Variants in ZAN observed in about 807,000 individuals in gnomAD.
ZAN encodes the protein zonadhesin (gene/pseudogene).
Under a neutral mutation model 286.2 loss-of-function variants are expected in ZAN, and 260 were observed. The observed-to-expected ratio is 0.91, with a 90% CI of 0.82 to 1.01. The LOEUF is 1.01. Among genes scored for constraint, ZAN ranks in the 50% least tolerant of loss-of-function variants. The pLI is 0.00. For missense variants in ZAN, 3,410 were observed against 3,639.2 expected (o/e 0.94, Z 1.62); for synonymous variants, 1,368 against 1,417.5 (o/e 0.97, Z 0.79).
rs369039530 is a variant in ZAN, at chr7:100,748,114, G to A, written c.1024-23G>A. The A allele has an allele frequency of 1.9e-4, 308 of 1,609,226 alleles. 1 individual carries two copies. Among genetic ancestry groups the A allele is most frequent in the Non-Finnish European group, 3.7e-5 (44 of 1,176,004 alleles). On this transcript the variant is annotated intron_variant, in intron 9 of 47. Coordinates refer to ENST00000613979, the MANE Select transcript of ZAN (RefSeq NM_003386.3). ...GGGTGTGGGCTGTGTGCTCACTCCT[G>A]CTCCATCTCCCTTTCTCTCCAGTTT...
In ZAN at chr7:100,751,916, A is replaced by G. The variant is rs2115820486; in HGVS notation, c.1811A>G (p.Lys604Arg). ...PTEKPTISTE[K>R]PTIPSEKPNM... Reference sequence around the variant, plus strand: ...GAAAAACCCACCATCTCCACAGAAAAACCCACCATTCCTTCAGAAAAACCC... The same window carrying G: ...GAAAAACCCACCATCTCCACAGAAAGACCCACCATTCCTTCAGAAAAACCC... Residue 604 changes from lysine to arginine, a missense_variant, in exon 14 of 48, where the codon AAA becomes AGA. Physicochemically the swap from Lys to Arg is conservative, Grantham distance 26 (BLOSUM62 2). Around this residue, in one of 7 missense-constraint regions of ZAN, gnomAD observed 872 missense variants for 938.9 expected, o/e 0.93. Coordinates refer to ENST00000613979, the MANE Select transcript of ZAN (RefSeq NM_003386.3). 1.9e-6 allele frequency: 3 copies of G among 1,613,268 alleles called. 1 individual carries two copies. The East Asian group carries it at 6.7e-5, about 36-fold the overall frequency.
chr7:100,739,003 C>A (rs1328447664), intron 7 of ZAN, among the ~76,000 whole-genome samples: 3 of 69,664 alleles, frequency 4.3e-5, no homozygotes, highest in Non-Finnish European at 1.0e-4. Context: ...TTCTCCTTCT[C>A]CTTCTTCTTT....
chr7:100,778,424 C>G (rs1385489929), intron 34 of ZAN, among the ~76,000 whole-genome samples: 3 of 140,470 alleles, frequency 2.1e-5, no homozygotes, highest in Non-Finnish European at 4.6e-5. Flanking sequence ...GGCAACATAG[C>G]AAGACCTCAT....
chr7:100,752,951 C>T lies in ZAN; in HGVS notation c.2846C>T (p.Thr949Ile). The change falls in exon 14 of 48, where the codon ACC (threonine) becomes ATC (isoleucine). Residue 949 changes from threonine to isoleucine, a missense_variant. Thr to Ile is a moderately conservative substitution (Grantham distance 89, BLOSUM62 -1). Transcript: ENST00000613979. ...CTCACCATCCCCACAGAAAAACCCA[C>T]CATCTCCCCAGAAAAACTCACCATC... ...EKLTIPTEKP[T>I]ISPEKLTIPT... The T allele has an allele frequency of 6.2e-7, 1 of 1,610,916 alleles. No homozygotes were observed. The highest frequency in any genetic ancestry group is 8.5e-7 in the Non-Finnish European group (1 of 1,178,708).
chr7:100,778,045 G>A (rs988347882), intron 34 of ZAN, among the ~76,000 whole-genome samples: 1 of 151,848 alleles, frequency 6.6e-6, no homozygotes, highest in South Asian at 2.1e-4. Context: ...TCATGCCTGT[G>A]ATTCCAGCAC....
rs1326578141 is a variant in ZAN at position 100,767,044 on chromosome 7, C to T, written c.4647C>T (p.His1549=). 1 of 1,613,962 alleles carries T rather than the reference C, an allele frequency of 6.2e-7. No homozygotes were observed. Among genetic ancestry groups the T allele is most frequent in the Non-Finnish European group, 8.5e-7 (1 of 1,179,872 alleles). The change falls in exon 25 of 48, where the codon CAC becomes CAT. Residue 1549 remains histidine (H), a synonymous_variant. Coordinates refer to ENST00000613979, the MANE Select transcript of ZAN (RefSeq NM_003386.3). The stretch of plus-strand genomic sequence containing the variant: ...CCTGCACAGCCTCGGGTGACCCCCA[C>T]TACCTGACCTTCGATGGCGCCTTGC... The part of the protein sequence containing the change: ...AATCTASGDP[H]YLTFDGALHH...
intron 7 of ZAN, among the ~76,000 whole-genome samples, chr7:100,744,214 C>T (rs965326756): frequency 6.7e-6 from 1 of 149,228 alleles, no homozygotes; most frequent in Non-Finnish European, 1.5e-5. Flanking sequence ...TTCTGTTTTT[C>T]CCCATCTTTT....
intron 7 of ZAN, among the ~76,000 whole-genome samples, chr7:100,746,095 C>T (rs980896191): frequency 6.6e-6 from 1 of 151,722 alleles, no homozygotes; most frequent in African/African-American, 2.4e-5. Context: ...GGCGTGGTGG[C>T]GCACACCTGT....
chr7:100,765,204 C>G (rs1486996371), intron 22 of ZAN, 148 bp from the exon 23 acceptor site: 1 of 940,528 alleles, frequency 1.1e-6, no homozygotes, highest in Non-Finnish European at 1.6e-6. Context: ...CAGCCAGGCT[C>G]CTTGGGGAAG....
chr7:100,750,527 T>C, intron 11 of ZAN, 98 bp from the exon 12 acceptor site: 1 of 1,390,982 alleles, frequency 7.2e-7, no homozygotes, highest in Non-Finnish European at 9.8e-7. Context: ...TTTGAGTGTT[T>C]GCTCAGATTC....
In ZAN at chr7:100,748,455, G is replaced by A. The variant is rs17162408; in HGVS notation, c.1234G>A (p.Gly412Ser). The change falls in exon 11 of 48, where the codon GGT becomes AGT. Residue 412 changes from glycine to serine, a missense_variant. Gly to Ser is a moderately conservative substitution (Grantham distance 56). Around this residue, in one of 7 missense-constraint regions of ZAN, gnomAD observed 872 missense variants for 938.9 expected, o/e 0.93. Coordinates refer to ENST00000613979, the MANE Select transcript of ZAN (RefSeq NM_003386.3). ...GPVHGMGPAGGFPNAGGHYIY... is the reference protein window; with the variant it reads ...GPVHGMGPAGSFPNAGGHYIY... ...CGTCCATGGCATGGGCCCTGCGGGAGGTTTCCCTAATGCAGGTGAGGAGAT... is the reference window on the plus strand; with the variant it reads ...CGTCCATGGCATGGGCCCTGCGGGAAGTTTCCCTAATGCAGGTGAGGAGAT... The A allele has an allele frequency of 2.1e-3, 3,389 of 1,612,494 alleles. 71 individuals are homozygous for A. In the African/African-American group the frequency reaches 0.038, roughly 18 times the overall value.
intron 33 of ZAN, 120 bp from the exon 34 acceptor site, chr7:100,776,320 G>A (rs1810780941): frequency 3.8e-6 from 2 of 523,602 alleles, no homozygotes; most frequent in Non-Finnish European, 2.7e-6. Context: ...CTTGAAGGAA[G>A]GGAGGGAGGG....
chr7:100,786,407 CTTGT>C (rs146191724), intron 37 of ZAN, among the ~76,000 whole-genome samples: 58,978 of 151,732 alleles, frequency 0.39, 12,119 homozygotes, highest in Middle Eastern at 0.52. Flanking sequence ...TTTTTCTTTT[CTTGT>C]TTGTTTGTTT....
In ZAN at chr7:100,792,463, T is replaced by C; in HGVS notation, c.7771T>C (p.Cys2591Arg). Residue 2591 changes from cysteine (C) to arginine (R), a missense_variant, in exon 42 of 48, where the codon TGC (cysteine) becomes CGC (arginine). Physicochemically the swap from Cys to Arg is radical, Grantham distance 180. Coordinates refer to ENST00000613979, the MANE Select transcript of ZAN (RefSeq NM_003386.3). ...CCCAAGAGAGCAAGAGGAGCTGCGT[T>C]GCCAGGTCCTCAGTGGGTACGCCAT... Reference protein sequence around the residue: ...QDPREQEELRCQVLSGHGVSS... With the variant: ...QDPREQEELRRQVLSGHGVSS... 1 of 1,613,892 alleles carries C rather than the reference T, an allele frequency of 6.2e-7. No individual in the cohort carries two copies. Among genetic ancestry groups the C allele is most frequent in the South Asian group, 1.1e-5 (1 of 91,072 alleles).
chr7:100,792,151 G>A lies in ZAN; in HGVS notation c.7712+3G>A. On this transcript the variant is annotated splice_donor_region_variant and intron_variant, in intron 41 of 47. Transcript: ENST00000613979. ...GTGGCCCCAGAGCCCTTCCAAGAGT[G>A]AGTCATGGGCCCAGGACTTGTGGGA... 6.2e-7 allele frequency: 1 copy of A among 1,603,790 alleles called. No homozygotes were observed. Among genetic ancestry groups the A allele is most frequent in the Non-Finnish European group, 8.5e-7 (1 of 1,175,298 alleles).
Position 100,752,649 on chromosome 7 carries a change from A to G in ZAN, c.2544A>G (p.Glu848=), listed in dbSNP as rs747701323. ...CAGAAAAACTCACCATCCCCATGGA[A>G]AAACCCACCATCTCCACAGAAAAAC... The part of the protein sequence containing the change: ...ISTEKLTIPM[E]KPTISTEKPT... The change falls in exon 14 of 48, where the codon GAA becomes GAG. Residue 848 remains glutamate, a synonymous_variant. Transcript: ENST00000613979. 1 of 1,611,842 alleles carries G rather than the reference A, an allele frequency of 6.2e-7. No homozygotes were observed. Among genetic ancestry groups the G allele is most frequent in the Non-Finnish European group, 8.5e-7 (1 of 1,179,104 alleles).
rs977522505 is a variant in ZAN, at chr7:100,760,531, G to A, written c.3837G>A (p.Val1279=). 3.1e-6 allele frequency: 5 copies of A among 1,613,888 alleles called. No homozygotes were observed. Among genetic ancestry groups the A allele is most frequent in the Non-Finnish European group, 4.2e-6 (5 of 1,179,858 alleles). ...WDGDQQLYVT[V]SSTYSGKLCG... is the part of the protein sequence containing the mutation. Reference sequence around the variant, plus strand: ...GTGACCAGCAGCTGTATGTTACTGTGTCCAGGTAAGGCAGTGTCCCAGCCA... The same window carrying A: ...GTGACCAGCAGCTGTATGTTACTGTATCCAGGTAAGGCAGTGTCCCAGCCA... The change falls in exon 19 of 48, where the codon GTG becomes GTA. Residue 1279 remains valine, a synonymous_variant. Coordinates refer to ENST00000613979, the MANE Select transcript of ZAN (RefSeq NM_003386.3).
intron 37 of ZAN, 102 bp from the exon 38 acceptor site, chr7:100,787,787 C>G: frequency 2.3e-6 from 3 of 1,280,906 alleles, no homozygotes; most frequent in Non-Finnish European, 3.1e-6. Context: ...GTCTCAAACT[C>G]CTGACCTCAG....
Position 100,734,892 on chromosome 7 carries a change from T to C in ZAN, c.53+671T>C. On this transcript the variant is annotated intron_variant, in intron 2 of 47. Transcript: ENST00000613979. ...ACTTAAGTACGAGGCAGCAAAGAAA[T>C]GACGGATGACAGGCCAAGCGCGGCG... 1.4e-5 allele frequency among the ~76,000 whole-genome samples: 2 copies of C among 139,606 alleles called. 1 individual carries two copies. The highest frequency in any genetic ancestry group is 3.2e-5 in the Non-Finnish European group (2 of 62,374). The allele number at this position is 139,606 out of a possible 152,430, so 91.6% of individuals were successfully genotyped here.
Sources: allele counts gnomAD v4.1 joint callset (sites outside exome capture counted in the v4.1 genomes callset), GRCh38; gene constraint gnomAD v4.1.1; regional missense constraint gnomAD v4.1.1; transcripts MANE v1.5; gene names NCBI Gene and HGNC (gene_info 2026-07-23, HGNC 2026-07-21).